The following NT5DC1 variants were observed in gnomAD, a reference collection of about 807,000 sequenced individuals.
NT5DC1 encodes 5'-nucleotidase domain containing 1.
In NT5DC1, 42 loss-of-function variants were observed where a neutral mutation model predicts 59.4. The observed-to-expected ratio is 0.71, with a 90% CI of 0.55 to 0.92. The LOEUF (loss-of-function observed/expected upper bound fraction) is 0.92, where lower values mean the gene tolerates loss of function less well. Among genes scored for constraint, NT5DC1 ranks in the 40% least tolerant of loss-of-function variants. The pLI, the probability that NT5DC1 is intolerant of heterozygous loss-of-function variation, is 0.00. For synonymous variants in NT5DC1, 172 were observed against 188.1 expected, an observed-to-expected ratio of 0.91 and a Z score of 0.70; for missense variants, 501 against 537.1, an observed-to-expected ratio of 0.93 and a Z score of 0.66.
At chr6:116,227,256 A>G (rs1562173189) in intron 8 of NT5DC1, among the ~76,000 whole-genome samples, 1 of 152,238 alleles carries the variant, frequency 6.6e-6, no homozygotes, top group South Asian at 2.1e-4. Flanking sequence ...TATTTTGCTT[A>G]ACATTGTGTC....
intron 6 of NT5DC1, among the ~76,000 whole-genome samples, chr6:116,215,875 A>G (rs1374063571): frequency 1.3e-5 from 2 of 152,156 alleles, no homozygotes; most frequent in African/African-American, 2.4e-5. Flanking sequence ...ACCCAAAATC[A>G]TATTTATAGA....
intron 6 of NT5DC1, among the ~76,000 whole-genome samples, chr6:116,209,096 A>G (rs1445931607): frequency 4.6e-5 from 7 of 152,018 alleles, no homozygotes. Context: ...CTTTCTAGTA[A>G]TAGTGCATTA....
chr6:116,179,325 T>C (rs1159064252), intron 6 of NT5DC1, among the ~76,000 whole-genome samples: 1 of 152,170 alleles, frequency 6.6e-6, no homozygotes, highest in Non-Finnish European at 1.5e-5. Flanking sequence ...TACATTCTTA[T>C]ACTGATCAGA....
At chr6:116,185,452 C>T (rs1187950263) in intron 6 of NT5DC1, among the ~76,000 whole-genome samples, 3 of 152,058 alleles carry the variant, frequency 2.0e-5, no homozygotes, top group Admixed American at 1.3e-4. Context: ...CTAATGCTGT[C>T]AGTGGAGTAT....
At chr6:116,227,591 C>A (rs1781934737) in intron 8 of NT5DC1, among the ~76,000 whole-genome samples, 1 of 152,060 alleles carries the variant, frequency 6.6e-6, no homozygotes, top group Admixed American at 6.5e-5. Context: ...CAAGAATGTA[C>A]AAGGATTCCC....
Position 116,239,059 on chromosome 6 carries a change from A to C in NT5DC1, c.1188A>C (p.Thr396=). The change falls in exon 11 of 12, where the codon ACA becomes ACC. Residue 396 remains threonine (T), a synonymous_variant. Transcript: ENST00000319550. ...LENTEDSLVY[T]WSCKRISTYS... is the part of the protein sequence containing the mutation. ...ATACAGAAGACTCCTTGGTTTATAC[A>C]TGGTCTTGTAAGAGAATCAGTACTT... 1 of 1,611,980 alleles carries C rather than the reference A, an allele frequency of 6.2e-7. No homozygotes were observed. The highest frequency in any genetic ancestry group is 8.5e-7 in the Non-Finnish European group (1 of 1,178,254).
At chr6:116,125,099 A>C (rs1394043502) in intron 6 of NT5DC1, among the ~76,000 whole-genome samples, 1 of 152,248 alleles carries the variant, frequency 6.6e-6, no homozygotes, top group Non-Finnish European at 1.5e-5. Context: ...TGTACACACA[A>C]AAGTTCTGAT....
intron 6 of NT5DC1, among the ~76,000 whole-genome samples, chr6:116,167,948 G>T (rs1319042146): frequency 6.6e-6 from 1 of 151,952 alleles, no homozygotes. Flanking sequence ...CTGCACTATA[G>T]TCTAGTTTCT....
At chr6:116,117,659 G>A (rs1424862440) in intron 5 of NT5DC1, among the ~76,000 whole-genome samples, 2 of 152,110 alleles carry the variant, frequency 1.3e-5, no homozygotes, top group Non-Finnish European at 2.9e-5. Flanking sequence ...TGTACTGAAA[G>A]TGAAAAACAA....
intron 6 of NT5DC1, among the ~76,000 whole-genome samples, chr6:116,135,405 A>G (rs1183866582): frequency 3.3e-5 from 5 of 152,048 alleles, no homozygotes; most frequent in Non-Finnish European, 7.4e-5. Flanking sequence ...TGTAGCATCC[A>G]TAACCGCCCC....
chr6:116,222,195 G>C (rs1270933343), intron 7 of NT5DC1, among the ~76,000 whole-genome samples: 1 of 152,252 alleles, frequency 6.6e-6, no homozygotes, highest in Non-Finnish European at 1.5e-5. Flanking sequence ...CATCTTTTGG[G>C]TGAATTAAGG....
intron 6 of NT5DC1, among the ~76,000 whole-genome samples, chr6:116,206,457 A>G (rs1471174800): frequency 1.3e-5 from 2 of 151,986 alleles, no homozygotes; most frequent in African/African-American, 2.4e-5. Context: ...ACTTGACTCA[A>G]GACTGTCTGA....
In NT5DC1 at chr6:116,119,749, T is replaced by C. The variant is rs922577505; in HGVS notation, c.529+1804T>C. On this transcript the variant is annotated intron_variant, in intron 6 of 11. Transcript: ENST00000319550. ...TAACTTAGAGCTCTATTTCTGTTTT[T>C]TTTTTTAATTTTTTTTTTGTTGTTT... 8.3e-6 allele frequency: 2 copies of C among 241,568 alleles called. No homozygotes were observed. The highest frequency in any genetic ancestry group is 7.9e-6 in the Non-Finnish European group (1 of 125,846). The allele number at this position is 241,568 out of a possible 1,614,324, so 15.0% of individuals were successfully genotyped here. A position where few individuals can be genotyped will look rare whatever the true frequency, so the allele number is the denominator to read the frequency against.
At chr6:116,209,808 A>G (rs1011906692) in intron 6 of NT5DC1, among the ~76,000 whole-genome samples, 1 of 152,022 alleles carries the variant, frequency 6.6e-6, no homozygotes. Flanking sequence ...ATTGAATTTT[A>G]TAATTATTAT....
chr6:116,178,084 T>TGTGA (rs1780782688), intron 6 of NT5DC1, among the ~76,000 whole-genome samples: 1 of 91,882 alleles, frequency 1.1e-5, no homozygotes, highest in Non-Finnish European at 2.1e-5. Flanking sequence ...TGTGTGTGTG[T>TGTGA]GTGTGCGCGC....
Position 116,141,910 on chromosome 6 carries a change from AC to A in NT5DC1, c.529+23966del, listed in dbSNP as rs1279233821. Among the ~76,000 whole-genome samples, 216 of 151,562 alleles carry A rather than the reference AC, an allele frequency of 1.4e-3. 1 individual carries two copies. The highest frequency in any genetic ancestry group is 0.014 in the Middle Eastern group (4 of 292). On this transcript the variant is annotated intron_variant, in intron 6 of 11. Transcript: ENST00000319550. ...AACACACACACACACACACACACAC[AC>A]ACACACACACACACACTGTAAATGT... is the stretch of plus-strand genomic sequence containing the variant.
At chr6:116,135,488 T>C (rs1779567342) in intron 6 of NT5DC1, among the ~76,000 whole-genome samples, 1 of 151,956 alleles carries the variant, frequency 6.6e-6, no homozygotes. Context: ...TTCTGCTTGT[T>C]ATTCAGCAAA....
At chr6:116,124,562 T>G (rs1392766646) in intron 6 of NT5DC1, among the ~76,000 whole-genome samples, 1 of 152,148 alleles carries the variant, frequency 6.6e-6, no homozygotes. Context: ...GAAATAAAAC[T>G]AGGAGTAACA....
At chr6:116,218,986 A>T (rs1781740692) in intron 6 of NT5DC1, among the ~76,000 whole-genome samples, 1 of 152,140 alleles carries the variant, frequency 6.6e-6, no homozygotes, top group African/African-American at 2.4e-5. Flanking sequence ...TTAGTCAGTG[A>T]CTTAATCAGA....
Sources: gnomAD v4.1 joint callset for allele counts (sites outside exome capture counted in the v4.1 genomes callset) on GRCh38, gnomAD v4.1.1 for gene constraint, MANE v1.5 for transcripts, NCBI Gene and HGNC (gene_info 2026-07-23, HGNC 2026-07-21) for gene names.